PDPR: variants seen among roughly 807,000 people sequenced by gnomAD.
PDPR encodes pyruvate dehydrogenase phosphatase regulatory subunit, also known as pyruvate dehydrogenase phosphatase regulatory subunit, mitochondrial.
A neutral mutation model predicts 102.2 loss-of-function variants in PDPR; 50 were observed. The ratio of observed to expected loss-of-function variants is 0.49; its 90% CI spans 0.39 to 0.62. PDPR has a LOEUF of 0.62. PDPR is among the 20% of genes least tolerant of loss of function. The probability of loss-of-function intolerance (pLI) is 0.00; values close to 1 mark genes in which losing one functional copy is unlikely to be tolerated. For missense variants in PDPR, 625 were observed against 1,098.2 expected (o/e 0.57, Z 6.09); for synonymous variants, 259 against 406.0 (o/e 0.64, Z 4.35).
intron 10 of PDPR, among the ~76,000 whole-genome samples, chr16:70,138,207 A>ATTTTTTTTTT (rs1201065640): frequency 0.036 from 3,376 of 93,640 alleles, 53 homozygotes; most frequent in Non-Finnish European, 0.049. Context: ...ACGCCGGCTA[A>ATTTTTTTTTT]TTTTTTTTTT....
intron 9 of PDPR, among the ~76,000 whole-genome samples, chr16:70,132,931 G>T (rs1002982869): frequency 2.6e-5 from 4 of 152,200 alleles, no homozygotes; most frequent in African/African-American, 7.2e-5. Flanking sequence ...TGCCACATCA[G>T]CCTCCCAAGT....
At chr16:70,121,712 G>A (rs1333605149) in intron 3 of PDPR, among the ~76,000 whole-genome samples, 58 of 151,746 alleles carry the variant, frequency 3.8e-4, no homozygotes, top group African/African-American at 1.3e-3. Context: ...AAAGAATACA[G>A]GCCTTTGACT....
At position 70,133,421 on chromosome 16, in the gene PDPR, C is replaced by CTTTTTTTT. The variant is rs1162339028; in HGVS notation, c.997+1127_997+1134dup. On this transcript the variant is annotated intron_variant, in intron 9 of 18. Transcript: ENST00000288050. ...ACAGGCATGAGCCACTGCGTCTGGC[C>CTTTTTTTT]TTTTTTTTTTTTTGAGATAAGAGTC... is the stretch of plus-strand genomic sequence containing the variant. Among the ~76,000 whole-genome samples the CTTTTTTTT allele has an allele frequency of 2.3e-4, 24 of 103,748 alleles. 4 individuals carry two copies. The East Asian group carries it at 9.1e-3, about 39-fold the overall frequency. The allele number at this position is 103,748 out of a possible 152,430, so 68.1% of individuals were successfully genotyped here. A position where few individuals can be genotyped will look rare whatever the true frequency, so the allele number is the denominator to read the frequency against.
intron 13 of PDPR, among the ~76,000 whole-genome samples, chr16:70,143,289 T>C (rs1465340647): frequency 2.0e-5 from 3 of 152,286 alleles, no homozygotes; most frequent in Non-Finnish European, 2.9e-5. Context: ...AAATTTTAGC[T>C]CCTTGTTTCA....
chr16:70,159,724 C>T lies in PDPR; in HGVS notation c.*2845C>T, dbSNP rs1478768798. ...CTTCCTGACCACCGGTGTCAGATAT[C>T]AGAGCATTCTGGACTCCTGAGAGGC... On this transcript the variant is annotated 3_prime_UTR_variant, in exon 19 of 19. Coordinates refer to ENST00000288050, the MANE Select transcript of PDPR (RefSeq NM_017990.5). The T allele has an allele frequency of 2.0e-5, 3 of 152,788 alleles. No homozygotes were observed. The highest frequency in any genetic ancestry group is 7.2e-5 in the African/African-American group (3 of 41,476). The allele number at this position is 152,788 out of a possible 1,614,324, so 9.5% of individuals were successfully genotyped here.
chr16:70,131,588 G>GAA (rs1478966277), intron 8 of PDPR, 169 bp downstream of exon 8: 1 of 831,912 alleles, frequency 1.2e-6, no homozygotes, highest in Non-Finnish European at 1.4e-6. Context: ...AACTCTTTAT[G>GAA]AAAGGATGGC....
chr16:70,157,495 A>G lies in PDPR; in HGVS notation c.*616A>G, dbSNP rs1170378244. The G allele has an allele frequency of 1.4e-5, 4 of 288,260 alleles. No homozygotes were observed. Among genetic ancestry groups the G allele is most frequent in the Non-Finnish European group, 2.7e-5 (4 of 148,156 alleles). The allele number at this position is 288,260 out of a possible 1,614,324, so 17.9% of individuals were successfully genotyped here. ...TGGTCTGTAGTGGAGACAAGCAGTTAACCTAGCACCATCCTCATCCTCCCT... is the reference window on the plus strand; with the variant it reads ...TGGTCTGTAGTGGAGACAAGCAGTTGACCTAGCACCATCCTCATCCTCCCT... On this transcript the variant is annotated 3_prime_UTR_variant, in exon 19 of 19. Coordinates refer to ENST00000288050, the MANE Select transcript of PDPR (RefSeq NM_017990.5).
In PDPR at chr16:70,159,735, G is replaced by A. The variant is rs1174934860; in HGVS notation, c.*2856G>A. ...CCGGTGTCAGATATCAGAGCATTCT[G>A]GACTCCTGAGAGGCAGTGGCCTCTT... On this transcript the variant is annotated 3_prime_UTR_variant, in exon 19 of 19. Transcript: ENST00000288050. 1 of 152,810 alleles carries A rather than the reference G, an allele frequency of 6.5e-6. No homozygotes were observed. The highest frequency in any genetic ancestry group is 1.5e-5 in the Non-Finnish European group (1 of 68,484). The allele number at this position is 152,810 out of a possible 1,614,324, so 9.5% of individuals were successfully genotyped here.
chr16:70,153,693 G>A (rs1472434294), intron 18 of PDPR, 120 bp downstream of exon 18: 13 of 1,100,226 alleles, frequency 1.2e-5, no homozygotes, highest in African/African-American at 9.7e-5. Flanking sequence ...CTTGATGTTA[G>A]CATCAGGTAA....
chr16:70,127,091 T>A (rs62050961), intron 3 of PDPR, among the ~76,000 whole-genome samples, 169 bp from the exon 4 acceptor site: 2 of 152,062 alleles, frequency 1.3e-5, no homozygotes, highest in Non-Finnish European at 2.9e-5. Flanking sequence ...CAAGCAGTCC[T>A]CAGTCCTCCT....
intron 13 of PDPR, 89 bp downstream of exon 13, chr16:70,142,775 C>G: frequency 6.4e-7 from 1 of 1,550,916 alleles, no homozygotes; most frequent in Non-Finnish European, 8.8e-7. Context: ...AAACTGATTC[C>G]TGACTGGGTG....
At chr16:70,114,987 TGAATCAA>T (rs2152051396) in intron 2 of PDPR, 57 bp downstream of exon 2, 1 of 152,282 alleles carries the variant, frequency 6.6e-6, no homozygotes, top group East Asian at 1.9e-4. Flanking sequence ...ACCTCGGATT[TGAATCAA>T]GAATCTCCAA....
chr16:70,121,747 G>A (rs1480782121), intron 3 of PDPR, among the ~76,000 whole-genome samples: 2 of 150,496 alleles, frequency 1.3e-5, no homozygotes, highest in East Asian at 1.9e-4. Context: ...CCTGTGTTTA[G>A]CTAATGTTTT....
Position 70,161,265 on chromosome 16 carries a change from A to C in PDPR, c.*4386A>C, listed in dbSNP as rs1219696412. On this transcript the variant is annotated 3_prime_UTR_variant, in exon 19 of 19. Coordinates refer to ENST00000288050, the MANE Select transcript of PDPR (RefSeq NM_017990.5). ...CACTGCACTCCAGCCTGGGTAACAGAGTGAGACTCTTGTCTCAAAAAAAAA... is the reference window on the plus strand; with the variant it reads ...CACTGCACTCCAGCCTGGGTAACAGCGTGAGACTCTTGTCTCAAAAAAAAA... 1 of 147,440 alleles carries C rather than the reference A, an allele frequency of 6.8e-6. No individual in the cohort carries two copies. Among genetic ancestry groups the C allele is most frequent in the African/African-American group, 2.6e-5 (1 of 39,118 alleles). 9.1% of individuals were successfully genotyped at this position (147,440 alleles called of 1,614,324 possible).
intron 8 of PDPR, chr16:70,131,835 A>C: frequency 7.1e-7 from 1 of 1,406,112 alleles, no homozygotes. Flanking sequence ...GGGCTCTGCA[A>C]CCCCCCTCTC....
At chr16:70,116,788 C>G (rs543701641) in intron 2 of PDPR, among the ~76,000 whole-genome samples, 35 of 152,248 alleles carry the variant, frequency 2.3e-4, no homozygotes, top group Middle Eastern at 6.8e-3. Flanking sequence ...ATGATCTACC[C>G]GCCTCGGCCT....
chr16:70,153,367 T>C lies in PDPR; in HGVS notation c.2053-24T>C, dbSNP rs2287980. 7.6e-6 allele frequency: 12 copies of C among 1,586,758 alleles called. No homozygotes were observed. In the East Asian group the frequency reaches 2.3e-4, roughly 30 times the overall value. ...CTTAATTCTGAAGGTCTGCTGCTTA[T>C]GAACTTTCTGTCTCTTCCTATAGTA... On this transcript the variant is annotated intron_variant, in intron 17 of 18. Transcript: ENST00000288050.
In PDPR at chr16:70,160,660, GC is replaced by G; in HGVS notation, c.*3782del. On this transcript the variant is annotated 3_prime_UTR_variant, in exon 19 of 19. Coordinates refer to ENST00000288050, the MANE Select transcript of PDPR (RefSeq NM_017990.5). ...CACCCGGAGTTTTACCTGCTTGCTT[GC>G]TTTCCTGGACTGCTGTTTGCAAGAA... 1 of 152,746 alleles carries G rather than the reference GC, an allele frequency of 6.5e-6. No homozygotes were observed. Among genetic ancestry groups the G allele is most frequent in the Non-Finnish European group, 1.5e-5 (1 of 68,406 alleles). 9.5% of individuals were successfully genotyped at this position (152,746 alleles called of 1,614,324 possible). A position where few individuals can be genotyped will look rare whatever the true frequency, so the allele number is the denominator to read the frequency against.
chr16:70,158,166 G>T lies in PDPR; in HGVS notation c.*1287G>T, dbSNP rs1597391975. The T allele has an allele frequency of 6.6e-6, 1 of 152,538 alleles. No individual in the cohort carries two copies. Among genetic ancestry groups the T allele is most frequent in the East Asian group, 1.9e-4 (1 of 5,202 alleles). 9.4% of individuals were successfully genotyped at this position (152,538 alleles called of 1,614,324 possible). Reference sequence around the variant, plus strand: ...CAGGAGACAATGTGGGTGCCCAGAAGTGCCCTGCGCTTTCAGGCAGTGTCT... The same window carrying T: ...CAGGAGACAATGTGGGTGCCCAGAATTGCCCTGCGCTTTCAGGCAGTGTCT... On this transcript the variant is annotated 3_prime_UTR_variant, in exon 19 of 19. Transcript: ENST00000288050.
Sources: gnomAD v4.1 joint callset for allele counts (sites outside exome capture counted in the v4.1 genomes callset) on GRCh38, gnomAD v4.1.1 for gene constraint, MANE v1.5 for transcripts, NCBI Gene and HGNC (gene_info 2026-07-23, HGNC 2026-07-21) for gene names.